The following LIN7A variants were observed in gnomAD, a reference collection of about 807,000 sequenced individuals.
The protein encoded by LIN7A is lin-7 cell polarity scaffold A.
In LIN7A, 25 loss-of-function variants were observed where a neutral mutation model predicts 29.8. That is an observed-to-expected ratio of 0.84 (90% CI 0.61 to 1.17). LIN7A has a LOEUF of 1.17. LIN7A is among the 50% of genes most tolerant of loss of function. The pLI, the probability that LIN7A is intolerant of heterozygous loss-of-function variation, is 0.00. For synonymous variants in LIN7A, 118 were observed against 107.5 expected, an observed-to-expected ratio of 1.10 and a Z score of -0.60; for missense variants, 239 against 287.0, an observed-to-expected ratio of 0.83 and a Z score of 1.21.
intron 2 of LIN7A, among the ~76,000 whole-genome samples, chr12:80,860,172 A>G (rs1452744368): frequency 2.0e-5 from 3 of 152,208 alleles, no homozygotes; most frequent in African/African-American, 7.2e-5. Flanking sequence ...AAGTATATGC[A>G]TTTCCAGTGT....
At chr12:80,872,631 T>C (rs775573645) in intron 2 of LIN7A, among the ~76,000 whole-genome samples, 20 of 152,246 alleles carry the variant, frequency 1.3e-4, no homozygotes, top group Non-Finnish European at 2.1e-4. Flanking sequence ...TTAGTTTTCA[T>C]TGAAATATAC....
intron 2 of LIN7A, among the ~76,000 whole-genome samples, chr12:80,884,980 A>T (rs567572028): frequency 6.6e-6 from 1 of 152,182 alleles, no homozygotes; most frequent in Non-Finnish European, 1.5e-5. Flanking sequence ...TTGGAAGATG[A>T]TGATAGTACA....
At chr12:80,923,418 CT>C (rs1246130785) in intron 1 of LIN7A, among the ~76,000 whole-genome samples, 4 of 152,130 alleles carry the variant, frequency 2.6e-5, no homozygotes, top group Non-Finnish European at 4.4e-5. Context: ...CTGAAAAACC[CT>C]GCCTAATACA....
At chr12:80,929,757 A>G (rs1013598988) in intron 1 of LIN7A, among the ~76,000 whole-genome samples, 8 of 152,172 alleles carry the variant, frequency 5.3e-5, no homozygotes, top group East Asian at 3.9e-4. Flanking sequence ...TATATTTTAA[A>G]ATATATATAT....
At chr12:80,866,802 C>A (rs1874163475) in intron 2 of LIN7A, among the ~76,000 whole-genome samples, 1 of 152,044 alleles carries the variant, frequency 6.6e-6, no homozygotes, top group South Asian at 2.1e-4. Flanking sequence ...ATGAAGAACA[C>A]CAGGTTTTTA....
intron 1 of LIN7A, among the ~76,000 whole-genome samples, chr12:80,913,118 C>T (rs952954844): frequency 6.6e-6 from 1 of 152,178 alleles, no homozygotes; most frequent in Non-Finnish European, 1.5e-5. Flanking sequence ...TTCCTATGAG[C>T]TTACCGTCTG....
chr12:80,921,693 G>A (rs912859902), intron 1 of LIN7A, among the ~76,000 whole-genome samples: 1 of 152,020 alleles, frequency 6.6e-6, no homozygotes, highest in African/African-American at 2.4e-5. Context: ...CACATTAGGG[G>A]CTAGGGCTTC....
chr12:80,832,238 A>G (rs757140272), intron 4 of LIN7A, among the ~76,000 whole-genome samples: 1 of 152,186 alleles, frequency 6.6e-6, no homozygotes, highest in Non-Finnish European at 1.5e-5. Flanking sequence ...GGATAATTAG[A>G]TCAAAGTAAG....
intron 1 of LIN7A, among the ~76,000 whole-genome samples, chr12:80,926,340 T>A (rs534607912): frequency 6.6e-6 from 1 of 152,300 alleles, no homozygotes. Flanking sequence ...CTATTTTCAT[T>A]CCTATTTTTA....
intron 1 of LIN7A, among the ~76,000 whole-genome samples, chr12:80,913,181 T>C (rs1876854196): frequency 6.6e-6 from 1 of 152,246 alleles, no homozygotes; most frequent in Admixed American, 6.5e-5. Flanking sequence ...TGCATCTACA[T>C]ATTTTGCTAC....
At chr12:80,861,559 T>A (rs537810057) in intron 2 of LIN7A, 1 of 152,442 alleles carries the variant, frequency 6.6e-6, no homozygotes, top group South Asian at 2.1e-4. Flanking sequence ...AAGGTTTAGT[T>A]GTGCAGATAC....
intron 1 of LIN7A, among the ~76,000 whole-genome samples, chr12:80,932,773 A>G (rs1266946736): frequency 3.9e-5 from 6 of 152,240 alleles, no homozygotes; most frequent in Non-Finnish European, 8.8e-5. Flanking sequence ...TACTTTAGAA[A>G]GTCCCTAAAT....
chr12:80,877,289 A>G (rs1374255350), intron 2 of LIN7A, among the ~76,000 whole-genome samples: 3 of 152,156 alleles, frequency 2.0e-5, no homozygotes, highest in Non-Finnish European at 2.9e-5. Flanking sequence ...ATGTCCATCT[A>G]TAAGAGACAG....
chr12:80,840,269 G>A (rs893996021), intron 4 of LIN7A, among the ~76,000 whole-genome samples: 2 of 152,156 alleles, frequency 1.3e-5, no homozygotes, highest in Non-Finnish European at 2.9e-5. Context: ...TTAAACCAGC[G>A]AATTGGAATT....
chr12:80,876,221 A>G (rs1345984464), intron 2 of LIN7A, among the ~76,000 whole-genome samples: 1 of 152,096 alleles, frequency 6.6e-6, no homozygotes, highest in Non-Finnish European at 1.5e-5. Flanking sequence ...CCCCAAACTC[A>G]TTCCCTTGGC....
At chr12:80,853,493 T>C (rs1220368679) in intron 2 of LIN7A, among the ~76,000 whole-genome samples, 1 of 152,148 alleles carries the variant, frequency 6.6e-6, no homozygotes, top group African/African-American at 2.4e-5. Context: ...CAGTTAAAAA[T>C]GGGTTAAGTA....
chr12:80,873,062 C>T (rs1874501301), intron 2 of LIN7A, among the ~76,000 whole-genome samples: 1 of 152,154 alleles, frequency 6.6e-6, no homozygotes, highest in Non-Finnish European at 1.5e-5. Context: ...ATGTGTGTGG[C>T]ACTGTTCTCT....
At chr12:80,874,957 C>A (rs569538569) in intron 2 of LIN7A, among the ~76,000 whole-genome samples, 1 of 152,174 alleles carries the variant, frequency 6.6e-6, no homozygotes, top group Non-Finnish European at 1.5e-5. Flanking sequence ...GCCGAGATGG[C>A]GCCACTGCAC....
intron 1 of LIN7A, among the ~76,000 whole-genome samples, chr12:80,924,221 G>A (rs2120903076): frequency 6.6e-6 from 1 of 152,304 alleles, no homozygotes; most frequent in South Asian, 2.1e-4. Flanking sequence ...GTGTCACCAT[G>A]CAAACTGGGT....
Sources: allele counts gnomAD v4.1 joint callset (sites outside exome capture counted in the v4.1 genomes callset), GRCh38; gene constraint gnomAD v4.1.1; transcripts MANE v1.5; gene names NCBI Gene and HGNC (gene_info 2026-07-23, HGNC 2026-07-21).